The following TENM3 variants were observed in gnomAD, a reference collection of about 807,000 sequenced individuals.
TENM3 encodes the protein teneurin transmembrane protein 3, also known as teneurin-3.
TENM3 carries 63 observed loss-of-function variants against 255.1 expected under a neutral mutation model. The ratio of observed to expected loss-of-function variants is 0.25; its 90% CI spans 0.20 to 0.30. The LOEUF (loss-of-function observed/expected upper bound fraction) is 0.30. Ranked by LOEUF, TENM3 falls within the 10% of genes least tolerant of loss-of-function variation. The pLI is 1.00. For missense variants in TENM3, 2,929 were observed against 3,461.1 expected (o/e 0.85, Z 3.86); for synonymous variants, 1,306 against 1,322.3 (o/e 0.99, Z 0.27).
At chr4:181,662,557 G>A in the TENM3 span, among the ~76,000 whole-genome samples, 7 of 152,234 alleles carry the variant, frequency 4.6e-5, no homozygotes, top group South Asian at 4.2e-4. Flanking sequence ...TCCTGACCTC[G>A]GCCTGGGCAA....
intron 1 of TENM3, among the ~76,000 whole-genome samples, chr4:182,296,117 C>T (rs1032018941): frequency 6.6e-6 from 1 of 152,114 alleles, no homozygotes; most frequent in African/African-American, 2.4e-5. Context: ...GCACGCACCA[C>T]CGTGCCTGGC....
At chr4:182,500,761 A>G (rs568995944) in intron 3 of TENM3, among the ~76,000 whole-genome samples, 3 of 152,276 alleles carry the variant, frequency 2.0e-5, no homozygotes, top group East Asian at 1.9e-4. Context: ...GAAAATCTCA[A>G]TGGCCAACAG....
chr4:182,255,211 G>C (rs1758310817), intron 1 of TENM3, among the ~76,000 whole-genome samples: 1 of 152,096 alleles, frequency 6.6e-6, no homozygotes, highest in East Asian at 1.9e-4. Context: ...AGACAGATCT[G>C]TATCTCTTTT....
chr4:181,728,175 T>C, the TENM3 span, among the ~76,000 whole-genome samples: 1 of 152,164 alleles, frequency 6.6e-6, no homozygotes, highest in African/African-American at 2.4e-5. Context: ...CTACCTGATA[T>C]TAATATCATC....
chr4:181,964,452 C>T, the TENM3 span, among the ~76,000 whole-genome samples: 1 of 152,096 alleles, frequency 6.6e-6, no homozygotes, highest in Non-Finnish European at 1.5e-5. Flanking sequence ...TGAAGAAAAG[C>T]CTTGCTGTGT....
At chr4:181,946,078 G>A in the TENM3 span, among the ~76,000 whole-genome samples, 2 of 152,000 alleles carry the variant, frequency 1.3e-5, no homozygotes, top group Admixed American at 6.5e-5. Context: ...TTCAGTTTAC[G>A]TGAATGTCAC....
chr4:182,590,852 GAAA>G (rs35247987), intron 3 of TENM3, among the ~76,000 whole-genome samples: 2 of 140,310 alleles, frequency 1.4e-5, no homozygotes, highest in Admixed American at 7.1e-5. Context: ...CGTCTCAAAA[GAAA>G]AAAAAAAACA....
intron 1 of TENM3, among the ~76,000 whole-genome samples, chr4:182,202,450 C>T (rs1302776309): frequency 6.6e-6 from 1 of 152,034 alleles, no homozygotes; most frequent in African/African-American, 2.4e-5. Flanking sequence ...GGATTGCAGG[C>T]ATGCACCACC....
At chr4:181,514,560 A>G in the TENM3 span, among the ~76,000 whole-genome samples, 3 of 152,166 alleles carry the variant, frequency 2.0e-5, no homozygotes, top group African/African-American at 4.8e-5. Context: ...TTGGCTTTGC[A>G]AATATTTGTA....
At position 182,800,106 on chromosome 4, in the gene TENM3, C is replaced by A. The variant is rs752461650; in HGVS notation, c.7855C>A (p.Arg2619Ser). The change falls in exon 28 of 28, where the codon CGC (arginine) becomes AGC (serine). Residue 2619 changes from arginine to serine, a missense_variant. By Grantham distance (110) the Arg-to-Ser change is moderately radical. Around this residue, in one of 6 missense-constraint regions of TENM3, gnomAD observed 476 missense variants for 480.1 expected, o/e 0.99. Transcript: ENST00000511685. Reference protein sequence around the residue: ...YGMTLDEEKARILEQARQRAL... With the variant: ...YGMTLDEEKASILEQARQRAL... ...CATGACCCTGGACGAGGAGAAGGCGCGCATCCTGGAGCAGGCGCGGCAGCG... is the reference window on the plus strand; with the variant it reads ...CATGACCCTGGACGAGGAGAAGGCGAGCATCCTGGAGCAGGCGCGGCAGCG... 1 of 1,567,264 alleles carries A rather than the reference C, an allele frequency of 6.4e-7. No individual in the cohort carries two copies. The highest frequency in any genetic ancestry group is 8.6e-7 in the Non-Finnish European group (1 of 1,159,802).
the TENM3 span, among the ~76,000 whole-genome samples, chr4:181,844,031 C>G: frequency 6.6e-6 from 1 of 152,010 alleles, no homozygotes; most frequent in Non-Finnish European, 1.5e-5. Flanking sequence ...GGCCTTCTTA[C>G]TGTGCTGCCT....
chr4:181,543,782 CA>C, the TENM3 span, among the ~76,000 whole-genome samples: 1 of 152,318 alleles, frequency 6.6e-6, no homozygotes, highest in South Asian at 2.1e-4. Context: ...GCCCAAGGGC[CA>C]CTGCTAGCCA....
rs571171004 is a variant in TENM3 at position 182,443,762 on chromosome 4, C to A, written c.511+96833C>A. Among the ~76,000 whole-genome samples the A allele has an allele frequency of 8.5e-5, 13 of 152,280 alleles. 1 individual carries two copies. The South Asian group carries it at 2.7e-3, about 32-fold the overall frequency. On this transcript the variant is annotated intron_variant, in intron 3 of 27. Transcript: ENST00000511685. ...CCTGCTTCCTCCTCCTCCCTGCCTG[C>A]CCAGGCTGTAGAGGACCCAGTAGGC...
chr4:181,657,422 C>T, the TENM3 span, among the ~76,000 whole-genome samples: 148,205 of 152,280 alleles, frequency 0.97, 72,143 homozygotes, highest in East Asian at 1. Flanking sequence ...AAAAAATGCT[C>T]AGCATCACTA....
rs1384454403 is a variant in TENM3 at position 182,800,501 on chromosome 4, C to T, written c.*150C>T. 1 of 929,146 alleles carries T rather than the reference C, an allele frequency of 1.1e-6. No individual in the cohort carries two copies. The highest frequency in any genetic ancestry group is 1.5e-6 in the Non-Finnish European group (1 of 646,070). The allele number at this position is 929,146 out of a possible 1,614,324, so 57.6% of individuals were successfully genotyped here. A position where few individuals can be genotyped will look rare whatever the true frequency, so the allele number is the denominator to read the frequency against. On this transcript the variant is annotated 3_prime_UTR_variant, in exon 28 of 28. Transcript: ENST00000511685. ...ACACCCACACCGCGAAAACAAGGAC[C>T]GCTTTTTTCCGAATGACCTTAAAGG...
chr4:181,455,859 G>A, the TENM3 span, among the ~76,000 whole-genome samples: 3 of 151,910 alleles, frequency 2.0e-5, no homozygotes, highest in Admixed American at 1.3e-4. Context: ...ATTATAGAAT[G>A]GGGGCATTTC....
chr4:182,186,009 G>A (rs980872602), intron 1 of TENM3, among the ~76,000 whole-genome samples: 1 of 152,062 alleles, frequency 6.6e-6, no homozygotes, highest in African/African-American at 2.4e-5. Context: ...TAGCCTGAAC[G>A]ATAAGTATAA....
intron 3 of TENM3, among the ~76,000 whole-genome samples, chr4:182,438,355 C>T (rs1223052185): frequency 1.3e-5 from 2 of 152,168 alleles, no homozygotes; most frequent in Non-Finnish European, 2.9e-5. Flanking sequence ...ATCTGCTTGT[C>T]TGAGTTTCAG....
At chr4:182,750,841 A>C (rs1248013947) in intron 19 of TENM3, among the ~76,000 whole-genome samples, 1 of 152,134 alleles carries the variant, frequency 6.6e-6, no homozygotes, top group African/African-American at 2.4e-5. Flanking sequence ...TGGGACACCA[A>C]ATCATTTAAA....
Sources: gnomAD v4.1 joint callset for allele counts (sites outside exome capture counted in the v4.1 genomes callset) on GRCh38, gnomAD v4.1.1 for gene constraint, gnomAD v4.1.1 regional missense constraint, MANE v1.5 for transcripts, NCBI Gene and HGNC (gene_info 2026-07-23, HGNC 2026-07-21) for gene names.